The following VIRMA variants were observed in gnomAD, a reference collection of about 807,000 sequenced individuals.
VIRMA encodes vir like m6A methyltransferase associated, also known as protein virilizer homolog.
Under a neutral mutation model 182.4 loss-of-function variants are expected in VIRMA, and 65 were observed. The observed-to-expected ratio is 0.36, with a 90% confidence interval of 0.29 to 0.44. VIRMA has a LOEUF of 0.44. Ranked by LOEUF, VIRMA falls within the 20% of genes least tolerant of loss-of-function variation. The pLI is 1.00. For synonymous variants in VIRMA, 709 were observed against 743.1 expected, an observed-to-expected ratio of 0.95 and a Z score of 0.75; for missense variants, 1,752 against 2,158.1, an observed-to-expected ratio of 0.81 and a Z score of 3.73.
At chr8:94,523,854 C>T (rs577548436) in intron 8 of VIRMA, among the ~76,000 whole-genome samples, 11 of 151,012 alleles carry the variant, frequency 7.3e-5, no homozygotes, top group Admixed American at 2.6e-4. Flanking sequence ...TGCAGTGGCC[C>T]GATCTCGGCT....
At chr8:94,491,190 T>C (rs1350619449) in intron 22 of VIRMA, among the ~76,000 whole-genome samples, 1 of 151,292 alleles carries the variant, frequency 6.6e-6, no homozygotes, top group Non-Finnish European at 1.5e-5. Context: ...GGTGCATGCC[T>C]GTAGTCCCAA....
intron 1 of VIRMA, 135 bp downstream of exon 1, chr8:94,553,250 C>CG (rs1454648214): frequency 1.2e-6 from 1 of 854,860 alleles, no homozygotes; most frequent in Admixed American, 1.9e-5. Flanking sequence ...TCACACAGCT[C>CG]GGGGGAGGGT....
intron 2 of VIRMA, among the ~76,000 whole-genome samples, chr8:94,542,495 T>A (rs999548505): frequency 6.6e-6 from 1 of 152,212 alleles, no homozygotes; most frequent in Middle Eastern, 3.2e-3. Context: ...CAATGTGAGA[T>A]AATAAATGTG....
At position 94,492,853 on chromosome 8, in the gene VIRMA, A is replaced by C. The variant is rs373812754; in HGVS notation, c.4642-35T>G. On this transcript the variant is annotated intron_variant, in intron 20 of 23. Coordinates refer to ENST00000297591, the MANE Select transcript of VIRMA (RefSeq NM_015496.5). ...TAATAATGAAACAAAACACATATTAAATGTAATTATTAGCATAACATTTGA... is the reference window on the plus strand; with the variant it reads ...TAATAATGAAACAAAACACATATTACATGTAATTATTAGCATAACATTTGA... 8 of 1,514,450 alleles carry C rather than the reference A, an allele frequency of 5.3e-6. No individual in the cohort carries two copies. In the African/African-American group the frequency reaches 1.1e-4, roughly 21 times the overall value. 93.8% of individuals were successfully genotyped at this position (1,514,450 alleles called of 1,614,324 possible). A position where few individuals can be genotyped will look rare whatever the true frequency, so the allele number is the denominator to read the frequency against.
At chr8:94,525,178 TAA>T (rs948875526) in intron 8 of VIRMA, among the ~76,000 whole-genome samples, 19 of 152,320 alleles carry the variant, frequency 1.2e-4, no homozygotes, top group African/African-American at 4.6e-4. Flanking sequence ...ATAAAAGAGT[TAA>T]AAGTTTCTTG....
intron 15 of VIRMA, 43 bp downstream of exon 15, chr8:94,509,645 C>T (rs372289041): frequency 4.6e-6 from 7 of 1,512,092 alleles, no homozygotes; most frequent in African/African-American, 2.8e-5. Context: ...CACACACACA[C>T]ATACACATGC....
Position 94,527,360 on chromosome 8 carries a change from T to C in VIRMA, c.884A>G (p.Asp295Gly). Residue 295 changes from aspartate (D) to glycine (G), a missense_variant, in exon 8 of 24, where the codon GAT (aspartate) becomes GGT (glycine). By Grantham distance (94) the Asp-to-Gly change is moderately conservative. Around this residue, in one of 11 missense-constraint regions of VIRMA, gnomAD observed 31 missense variants for 68.4 expected, o/e 0.45. Transcript: ENST00000297591. Reference protein sequence around the residue: ...EGEEDEEGEGDDGYEQISSDE... With the variant: ...EGEEDEEGEGGDGYEQISSDE... ...ACTGGAAATTTGTTCATAACCATCA[T>C]CCCCTGAAAATTAGTATGAATAATA... 1 of 1,547,878 alleles carries C rather than the reference T, an allele frequency of 6.5e-7. No homozygotes were observed. Among genetic ancestry groups the C allele is most frequent in the Non-Finnish European group, 8.7e-7 (1 of 1,143,414 alleles).
At chr8:94,507,885 G>GTA (rs1814216146) in intron 15 of VIRMA, among the ~76,000 whole-genome samples, 2 of 131,356 alleles carry the variant, frequency 1.5e-5, no homozygotes, top group South Asian at 5.8e-4. Context: ...ATATATACAT[G>GTA]TATATATGTA....
rs139327649 is a variant in VIRMA, at chr8:94,514,131, G to A, written c.2751+738C>T. Among the ~76,000 whole-genome samples, 1,504 of 151,928 alleles carry A rather than the reference G, an allele frequency of 9.9e-3. 22 individuals are homozygous for A. Among genetic ancestry groups the A allele is most frequent in the African/African-American group, 0.034 (1,386 of 41,264 alleles). On this transcript the variant is annotated intron_variant, in intron 11 of 23. Coordinates refer to ENST00000297591, the MANE Select transcript of VIRMA (RefSeq NM_015496.5). Reference sequence around the variant, plus strand: ...AACACACGTGCATGCATGCGTGTGCGCACACACTCACGCACAGATTTCACC... The same window carrying A: ...AACACACGTGCATGCATGCGTGTGCACACACACTCACGCACAGATTTCACC...
Position 94,506,594 on chromosome 8 carries a change from C to A in VIRMA, c.4003G>T (p.Ala1335Ser), listed in dbSNP as rs568240477. 5 of 1,613,788 alleles carry A rather than the reference C, an allele frequency of 3.1e-6. No individual in the cohort carries two copies. The highest frequency in any genetic ancestry group is 4.2e-6 in the Non-Finnish European group (5 of 1,179,760). The change falls in exon 16 of 24, where the codon GCT (alanine) becomes TCT (serine). Residue 1335 changes from alanine to serine, a missense_variant. This residue lies in a region of VIRMA where 777 missense variants were observed against 920.6 expected (regional missense o/e 0.84). Transcript: ENST00000297591. ...SICDCLLATL[A>S]NSESSYNCLL... ...CAGTTGTAACTGCTCTCAGAGTTAG[C>A]TAGCGTAGCCAACAGACAGTCACAG...
intron 22 of VIRMA, 53 bp from the exon 23 acceptor site, chr8:94,490,135 T>G: frequency 6.5e-7 from 1 of 1,543,088 alleles, no homozygotes. Context: ...TCAGTTGGAT[T>G]CTTTTAAGTG....
intron 2 of VIRMA, among the ~76,000 whole-genome samples, chr8:94,543,257 T>G (rs1177642154): frequency 2.6e-5 from 4 of 151,394 alleles, no homozygotes. Flanking sequence ...ATACAAAAAA[T>G]TAGCCAGGTG....
chr8:94,511,012 C>A, intron 13 of VIRMA, 173 bp downstream of exon 13: 2 of 1,404,556 alleles, frequency 1.4e-6, no homozygotes, highest in Non-Finnish European at 1.8e-6. Flanking sequence ...AATGTTACCC[C>A]CATATTTCCT....
Position 94,530,905 on chromosome 8 carries a change from A to G in VIRMA, c.607+58T>C, listed in dbSNP as rs1012878181. ...AACAGAGTGAGACCATCTCAAAACA[A>G]AAACAAAAATGTACTATTAACTAGG... On this transcript the variant is annotated intron_variant, in intron 6 of 23. Transcript: ENST00000297591. The G allele has an allele frequency of 1.9e-6, 3 of 1,562,426 alleles. No homozygotes were observed. The Admixed American group carries it at 5.7e-5, about 30-fold the overall frequency.
intron 15 of VIRMA, among the ~76,000 whole-genome samples, chr8:94,507,434 C>A (rs746951099): frequency 3.0e-4 from 45 of 151,314 alleles, no homozygotes; most frequent in Non-Finnish European, 5.5e-4. Context: ...TGTGCCCAGC[C>A]AGAAATAAAG....
intron 1 of VIRMA, among the ~76,000 whole-genome samples, chr8:94,548,479 G>A (rs1367881687): frequency 1.3e-5 from 2 of 150,832 alleles, no homozygotes; most frequent in Non-Finnish European, 2.9e-5. Flanking sequence ...AATAGGGAGA[G>A]ATACAGAAAG....
At chr8:94,549,997 T>C (rs1815916553) in intron 1 of VIRMA, among the ~76,000 whole-genome samples, 1 of 151,502 alleles carries the variant, frequency 6.6e-6, no homozygotes, top group Non-Finnish European at 1.5e-5. Context: ...CTCGGGAGGC[T>C]GAGATGGAAG....
chr8:94,517,121 G>C (rs568006244), intron 10 of VIRMA, among the ~76,000 whole-genome samples: 2 of 152,248 alleles, frequency 1.3e-5, no homozygotes, highest in East Asian at 1.9e-4. Flanking sequence ...TCCACAACTA[G>C]ATTTCTAAGT....
intron 4 of VIRMA, among the ~76,000 whole-genome samples, chr8:94,536,735 T>C (rs1383148779): frequency 4.6e-5 from 7 of 152,150 alleles, no homozygotes; most frequent in African/African-American, 1.7e-4. Flanking sequence ...ATCCTAGCAC[T>C]TTGGGAGGCC....
Sources: gnomAD v4.1 joint callset for allele counts (sites outside exome capture counted in the v4.1 genomes callset) on GRCh38, gnomAD v4.1.1 for gene constraint, gnomAD v4.1.1 regional missense constraint, MANE v1.5 for transcripts, NCBI Gene and HGNC (gene_info 2026-07-23, HGNC 2026-07-21) for gene names.